The following CACNA2D1 variants were observed in gnomAD, a reference collection of about 807,000 sequenced individuals.
CACNA2D1 encodes voltage-dependent calcium channel subunit alpha-2/delta-1.
In CACNA2D1, 53 loss-of-function variants were observed where a neutral mutation model predicts 171.5. The ratio of observed to expected loss-of-function variants is 0.31; its 90% CI spans 0.25 to 0.39. The LOEUF (loss-of-function observed/expected upper bound fraction) is 0.39, where lower values mean the gene tolerates loss of function less well. Among genes scored for constraint, CACNA2D1 ranks in the 10% least tolerant of loss-of-function variants. The pLI, the probability that CACNA2D1 is intolerant of heterozygous loss-of-function variation, is 1.00. For missense variants in CACNA2D1, 903 were observed against 1,299.8 expected (o/e 0.69, Z 4.69); for synonymous variants, 442 against 443.1 (o/e 1.00, Z 0.03).
intron 1 of CACNA2D1, among the ~76,000 whole-genome samples, chr7:82,433,181 C>T (rs984753645): frequency 8.0e-5 from 12 of 150,308 alleles, no homozygotes; most frequent in Non-Finnish European, 1.0e-4. Context: ...CAGTGAGACT[C>T]CATCTCAAAA....
chr7:82,016,606 G>C (rs1328571678), intron 12 of CACNA2D1, among the ~76,000 whole-genome samples: 20 of 89,104 alleles, frequency 2.2e-4, no homozygotes, highest in South Asian at 4.5e-4. Flanking sequence ...AACACTAGCC[G>C]CCCGCCCCCC....
intron 24 of CACNA2D1, among the ~76,000 whole-genome samples, chr7:81,977,465 A>C (rs898604332): frequency 1.3e-5 from 2 of 152,028 alleles, no homozygotes; most frequent in Non-Finnish European, 2.9e-5. Context: ...ATTTTTGACA[A>C]ACCTGACAAA....
chr7:82,322,494 G>A (rs1221439672), intron 3 of CACNA2D1, among the ~76,000 whole-genome samples: 1 of 151,108 alleles, frequency 6.6e-6, no homozygotes, highest in Non-Finnish European at 1.5e-5. Context: ...AGACATGGTA[G>A]CATATGTCTC....
At chr7:82,261,219 T>C (rs1202545033) in intron 3 of CACNA2D1, among the ~76,000 whole-genome samples, 1 of 152,198 alleles carries the variant, frequency 6.6e-6, no homozygotes, top group East Asian at 1.9e-4. Context: ...CCTCCCACAG[T>C]GCTGGGATTA....
At chr7:82,078,229 G>A (rs1233740620) in intron 7 of CACNA2D1, among the ~76,000 whole-genome samples, 5 of 152,058 alleles carry the variant, frequency 3.3e-5, no homozygotes, top group East Asian at 1.9e-4. Flanking sequence ...TTAAGTAAAC[G>A]TCATACGGAG....
At chr7:82,322,561 G>A (rs1422061550) in intron 3 of CACNA2D1, among the ~76,000 whole-genome samples, 1 of 152,044 alleles carries the variant, frequency 6.6e-6, no homozygotes, top group Non-Finnish European at 1.5e-5. Flanking sequence ...CAAGGTTGCA[G>A]TGAGCCATAA....
intron 1 of CACNA2D1, among the ~76,000 whole-genome samples, chr7:82,440,415 G>C (rs909291090): frequency 6.6e-6 from 1 of 151,636 alleles, no homozygotes; most frequent in Non-Finnish European, 1.5e-5. Context: ...CTAGAAAAAC[G>C]GACAACTACC....
intron 1 of CACNA2D1, among the ~76,000 whole-genome samples, chr7:82,399,214 C>T (rs567587602): frequency 3.3e-5 from 5 of 152,154 alleles, no homozygotes; most frequent in South Asian, 2.1e-4. Flanking sequence ...CCAAGGTGGG[C>T]GCATCGCCTG....
chr7:82,400,134 G>T, intron 1 of CACNA2D1, among the ~76,000 whole-genome samples: 1 of 150,456 alleles, frequency 6.6e-6, no homozygotes. Flanking sequence ...GTCAGGTAGT[G>T]TGATGCCTCC....
At chr7:81,962,638 A>AAT in intron 34 of CACNA2D1, 143 bp from the exon 35 acceptor site, 6 of 652,776 alleles carry the variant, frequency 9.2e-6, no homozygotes, top group Non-Finnish European at 1.6e-5. Flanking sequence ...TTTCAAAATT[A>AAT]TATAACACAT....
At chr7:82,279,914 T>C (rs1809864352) in intron 3 of CACNA2D1, among the ~76,000 whole-genome samples, 1 of 152,198 alleles carries the variant, frequency 6.6e-6, no homozygotes, top group Admixed American at 6.5e-5. Flanking sequence ...CTGGTCTCTC[T>C]GTTCACAGCT....
At chr7:81,961,664 T>C (rs1794135307) in intron 36 of CACNA2D1, among the ~76,000 whole-genome samples, 1 of 151,908 alleles carries the variant, frequency 6.6e-6, no homozygotes, top group South Asian at 2.1e-4. Context: ...GTTGAAGAAA[T>C]AACAGCTTAT....
intron 4 of CACNA2D1, among the ~76,000 whole-genome samples, chr7:82,142,455 C>A (rs528759544): frequency 6.6e-6 from 1 of 152,254 alleles, no homozygotes; most frequent in South Asian, 2.1e-4. Context: ...CAAATGTGGG[C>A]CTCTGATGAA....
At chr7:81,968,765 C>CAT (rs1794965649) in intron 29 of CACNA2D1, 122 bp downstream of exon 29, 1 of 681,452 alleles carries the variant, frequency 1.5e-6, no homozygotes, top group Non-Finnish European at 2.7e-6. Context: ...TTTAAGTGTG[C>CAT]ATGCCTTTAT....
intron 24 of CACNA2D1, among the ~76,000 whole-genome samples, chr7:81,980,877 T>C (rs1796373783): frequency 6.6e-6 from 1 of 152,094 alleles, no homozygotes; most frequent in South Asian, 2.1e-4. Flanking sequence ...TTTGGGAGGA[T>C]GGCATTTTCT....
intron 3 of CACNA2D1, among the ~76,000 whole-genome samples, chr7:82,254,671 C>G (rs1352737194): frequency 6.6e-6 from 1 of 152,064 alleles, no homozygotes; most frequent in Non-Finnish European, 1.5e-5. Context: ...ATAAGCATAT[C>G]ATTTTCTGAG....
At chr7:82,110,037 T>C (rs1252509399) in intron 6 of CACNA2D1, among the ~76,000 whole-genome samples, 2 of 152,216 alleles carry the variant, frequency 1.3e-5, no homozygotes, top group Non-Finnish European at 2.9e-5. Flanking sequence ...TGTATAAATG[T>C]GTTATTTCAG....
intron 1 of CACNA2D1, among the ~76,000 whole-genome samples, chr7:82,395,941 T>C (rs1292770635): frequency 1.3e-5 from 2 of 152,218 alleles, no homozygotes; most frequent in Non-Finnish European, 1.5e-5. Context: ...AGGGAGATGA[T>C]ATATGTGAAA....
intron 3 of CACNA2D1, among the ~76,000 whole-genome samples, chr7:82,325,611 CAT>C (rs1235968722): frequency 6.6e-6 from 1 of 152,110 alleles, no homozygotes; most frequent in African/African-American, 2.4e-5. Context: ...AGTTAGATAA[CAT>C]AAACACAAGA....
Sources: allele counts gnomAD v4.1 joint callset (sites outside exome capture counted in the v4.1 genomes callset), GRCh38; gene constraint gnomAD v4.1.1; transcripts MANE v1.5; gene names NCBI Gene and HGNC (gene_info 2026-07-23, HGNC 2026-07-21).